FUT8: variants seen among roughly 807,000 people sequenced by gnomAD.
FUT8 encodes alpha-(1,6)-fucosyltransferase.
FUT8 carries 29 observed loss-of-function variants against 71.3 expected under a neutral mutation model. The ratio of observed to expected loss-of-function variants is 0.41; its 90% CI spans 0.30 to 0.55. The LOEUF is 0.55. Ranked by LOEUF, FUT8 falls within the 20% of genes least tolerant of loss-of-function variation. FUT8 has a pLI of 0.34. For missense variants in FUT8, 544 were observed against 702.1 expected (o/e 0.77, Z 2.55); for synonymous variants, 254 against 239.3 (o/e 1.06, Z -0.57).
At chr14:65,699,145 T>TACACACACACACACAC (rs60092488) in intron 7 of FUT8, among the ~76,000 whole-genome samples, 35 of 132,130 alleles carry the variant, frequency 2.6e-4, no homozygotes, top group East Asian at 9.0e-4. Flanking sequence ...CCCTCCCTTC[T>TACACACACACACACAC]ACACACACAC....
At chr14:65,445,313 C>T (rs2065722401) in intron 1 of FUT8, among the ~76,000 whole-genome samples, 3 of 152,236 alleles carry the variant, frequency 2.0e-5, no homozygotes, top group Admixed American at 6.5e-5. Context: ...TGAGTGTTTA[C>T]AGCCAGAAAG....
At chr14:65,683,932 T>C (rs2140415399) in intron 7 of FUT8, among the ~76,000 whole-genome samples, 1 of 152,080 alleles carries the variant, frequency 6.6e-6, no homozygotes, top group South Asian at 2.1e-4. Flanking sequence ...GGCAAATCAC[T>C]GTTCCCTATT....
chr14:65,652,889 T>C lies in FUT8; in HGVS notation c.598-16354T>C, dbSNP rs1393102549. On this transcript the variant is annotated intron_variant, in intron 6 of 10. Coordinates refer to ENST00000673929, the MANE Select transcript of FUT8 (RefSeq NM_001371533.1). The surrounding 1 kb of genome is among the most constrained non-coding windows in gnomAD (Gnocchi z 4.0). ...CTGATGCTGGAAAGAGCCAAACATT[T>C]GGAGCATGCGATAGCAGGGGATCAT... 1.3e-5 allele frequency among the ~76,000 whole-genome samples: 2 copies of C among 152,222 alleles called. No homozygotes were observed. Among genetic ancestry groups the C allele is most frequent in the African/African-American group, 2.4e-5 (1 of 41,466 alleles).
At chr14:65,549,771 A>C (rs1049500225) in intron 2 of FUT8, among the ~76,000 whole-genome samples, 31 of 152,226 alleles carry the variant, frequency 2.0e-4, no homozygotes, top group African/African-American at 7.5e-4. Context: ...ACACTGTAGT[A>C]TCTGACAATA....
chr14:65,699,387 C>T (rs1372624260), intron 7 of FUT8, among the ~76,000 whole-genome samples: 1 of 152,004 alleles, frequency 6.6e-6, no homozygotes, highest in Non-Finnish European at 1.5e-5. Context: ...GTGTACTTGC[C>T]CCATAGGATT....
intron 3 of FUT8, among the ~76,000 whole-genome samples, chr14:65,572,579 C>T (rs1886539186): frequency 6.6e-6 from 1 of 151,868 alleles, no homozygotes; most frequent in Admixed American, 6.6e-5. Context: ...TTGCCTAACA[C>T]CCTTTGCGTG....
At chr14:65,632,366 C>T (rs1346875572) in intron 6 of FUT8, among the ~76,000 whole-genome samples, 1 of 152,196 alleles carries the variant, frequency 6.6e-6, no homozygotes, top group Non-Finnish European at 1.5e-5. Context: ...TCTCTGATCA[C>T]CGCATCCAGG....
At chr14:65,677,114 T>TTGTGTGTGTGTGTGTGTG (rs1555383258) in intron 7 of FUT8, among the ~76,000 whole-genome samples, 45 of 110,260 alleles carry the variant, frequency 4.1e-4, no homozygotes, top group African/African-American at 5.9e-4. Flanking sequence ...AAAGACATAT[T>TTGTGTGTGTGTGTGTGTG]TGTGTGTGTG....
At chr14:65,462,189 C>T (rs1349966087) in intron 2 of FUT8, among the ~76,000 whole-genome samples, 2 of 152,108 alleles carry the variant, frequency 1.3e-5, no homozygotes, top group Non-Finnish European at 2.9e-5. Flanking sequence ...ATAGAAAATG[C>T]TTTAAGTGCT....
intron 3 of FUT8, among the ~76,000 whole-genome samples, chr14:65,569,492 C>T (rs956941443): frequency 1.6e-4 from 25 of 151,640 alleles, no homozygotes; most frequent in South Asian, 2.1e-4. Context: ...TTCATTGTGC[C>T]GTTAATCACA....
chr14:65,578,283 C>T (rs1315721730), intron 3 of FUT8, among the ~76,000 whole-genome samples: 2 of 152,090 alleles, frequency 1.3e-5, no homozygotes, highest in Non-Finnish European at 2.9e-5. Context: ...GAAATACAGT[C>T]ATTGTGGCAT....
rs1235562660 is a variant in FUT8 at position 65,413,530 on chromosome 14, G to A, written c.-326+316G>A. 6.6e-6 allele frequency among the ~76,000 whole-genome samples: 1 copy of A among 152,104 alleles called. No homozygotes were observed. The highest frequency in any genetic ancestry group is 1.5e-5 in the Non-Finnish European group (1 of 68,000). On this transcript the variant is annotated intron_variant, in intron 1 of 10. Coordinates refer to ENST00000673929, the MANE Select transcript of FUT8 (RefSeq NM_001371533.1). The surrounding 1 kb of genome is among the most constrained non-coding windows in gnomAD (Gnocchi z 4.1). The stretch of plus-strand genomic sequence containing the variant: ...GCCTAGGGCAGGGGCCAAAGCCTAG[G>A]GAAGGAGAAGGGTTGGGGGCGGGGG...
At chr14:65,425,453 C>T (rs11620634) in intron 1 of FUT8, among the ~76,000 whole-genome samples, 96,424 of 148,574 alleles carry the variant, frequency 0.65, 31,492 homozygotes, top group East Asian at 0.77. Flanking sequence ...CAGGTATGAG[C>T]CACCATGCCT....
rs139310852 is a variant in FUT8 at position 65,532,852 on chromosome 14, G to A, written c.-227-28485G>A. On this transcript the variant is annotated intron_variant, in intron 2 of 10. Coordinates refer to ENST00000673929, the MANE Select transcript of FUT8 (RefSeq NM_001371533.1). The stretch of plus-strand genomic sequence containing the variant: ...TGTCCAGTTTCAATCTTCTGCATAC[G>A]GCTAGCCGGTTATCCCAGCATCATT... 3.0e-3 allele frequency among the ~76,000 whole-genome samples: 451 copies of A among 152,220 alleles called. 5 individuals are homozygous for A. Among genetic ancestry groups the A allele is most frequent in the African/African-American group, 9.7e-3 (401 of 41,534 alleles).
chr14:65,585,788 A>C lies in FUT8; in HGVS notation c.203+24022A>C, dbSNP rs948206035. Among the ~76,000 whole-genome samples the C allele has an allele frequency of 4.6e-5, 7 of 152,258 alleles. No individual in the cohort carries two copies. The South Asian group carries it at 8.3e-4, about 18-fold the overall frequency. ...GGCGTTTGATTTCCTCAAAGCTGAC[A>C]CAACTCAGCATGTGGAAGTCAGGCT... On this transcript the variant is annotated intron_variant, in intron 3 of 10. Coordinates refer to ENST00000673929, the MANE Select transcript of FUT8 (RefSeq NM_001371533.1).
At chr14:65,445,991 C>T (rs918214724) in intron 1 of FUT8, among the ~76,000 whole-genome samples, 3 of 152,304 alleles carry the variant, frequency 2.0e-5, no homozygotes, top group African/African-American at 7.2e-5. Flanking sequence ...GGATGGTCAC[C>T]TAGTACAGCT....
rs114459442 is a variant in FUT8, at chr14:65,710,434, T to C, written c.836-11341T>C. ...AAAAGAAGGGCTTTCTAACATAGCA[T>C]GTACTATGTTATTTTCTTTCATTTT... On this transcript the variant is annotated intron_variant, in intron 7 of 10. Coordinates refer to ENST00000673929, the MANE Select transcript of FUT8 (RefSeq NM_001371533.1). Among the ~76,000 whole-genome samples, 1,050 of 152,326 alleles carry C rather than the reference T, an allele frequency of 6.9e-3. 12 individuals carry two copies. Among genetic ancestry groups the C allele is most frequent in the African/African-American group, 0.023 (950 of 41,576 alleles).
At chr14:65,578,385 AG>A (rs1886905087) in intron 3 of FUT8, among the ~76,000 whole-genome samples, 2 of 152,204 alleles carry the variant, frequency 1.3e-5, no homozygotes, top group African/African-American at 4.8e-5. Context: ...CGTTTCTTTC[AG>A]GCAAATTTGT....
At chr14:65,583,850 T>C (rs1257034160) in intron 3 of FUT8, among the ~76,000 whole-genome samples, 1 of 152,148 alleles carries the variant, frequency 6.6e-6, no homozygotes. Flanking sequence ...TTATTTCCAT[T>C]AAAATATCCG....
Sources: gnomAD v4.1 joint callset for allele counts (sites outside exome capture counted in the v4.1 genomes callset) on GRCh38, gnomAD v4.1.1 for gene constraint, Gnocchi (gnomAD v3.1) non-coding constraint, MANE v1.5 for transcripts, NCBI Gene and HGNC (gene_info 2026-07-23, HGNC 2026-07-21) for gene names.